KIF19: variants seen among roughly 807,000 people sequenced by gnomAD.
The protein encoded by KIF19 is kinesin family member 19, also known as kinesin-like protein KIF19.
KIF19 carries 98 observed loss-of-function variants against 106.6 expected under a neutral mutation model. The ratio of observed to expected loss-of-function variants is 0.92; its 90% confidence interval spans 0.78 to 1.09. KIF19 has a LOEUF of 1.09. Ranked by LOEUF, KIF19 falls within the 50% of genes least tolerant of loss-of-function variation. The pLI is 0.00. For synonymous variants in KIF19, 516 were observed against 584.2 expected, an observed-to-expected ratio of 0.88 and a Z score of 1.68; for missense variants, 1,373 against 1,414.3, an observed-to-expected ratio of 0.97 and a Z score of 0.47.
In KIF19 at chr17:74,355,700, G is replaced by C. The variant is rs1214833954; in HGVS notation, c.*388G>C. 5.5e-6 allele frequency: 1 copy of C among 180,182 alleles called. No homozygotes were observed. The allele number at this position is 180,182 out of a possible 1,614,324, so 11.2% of individuals were successfully genotyped here. On this transcript the variant is annotated 3_prime_UTR_variant, in exon 20 of 20. Coordinates refer to ENST00000389916, the MANE Select transcript of KIF19 (RefSeq NM_153209.4). ...CATCCTGGATGGTTGGGGAGGCGCC[G>C]ACAGGCACTTCACGTATTACAATTG...
At chr17:74,351,011 G>C (rs768467663) in intron 12 of KIF19, 106 bp downstream of exon 12, 1 of 1,114,810 alleles carries the variant, frequency 9.0e-7, no homozygotes, top group South Asian at 1.3e-5. Flanking sequence ...TGAGACTTGG[G>C]AACTCAGGCC....
rs1329742730 is a variant in KIF19 at position 74,346,807 on chromosome 17, C to T, written c.924+283C>T. Among the ~76,000 whole-genome samples the T allele has an allele frequency of 2.6e-5, 4 of 152,196 alleles. No homozygotes were observed. Among genetic ancestry groups the T allele is most frequent in the Non-Finnish European group, 5.9e-5 (4 of 68,040 alleles). On this transcript the variant is annotated intron_variant, in intron 8 of 19. Coordinates refer to ENST00000389916, the MANE Select transcript of KIF19 (RefSeq NM_153209.4). This position sits in a 1 kb window ranked among gnomAD's most constrained non-coding sequence, Gnocchi z 4.6. ...AAAAGGAGCACGTGATACCCCCACC[C>T]AGGGCTGTGGGTCAGAGCCGTCTAG... is the stretch of plus-strand genomic sequence containing the variant.
intron 7 of KIF19, among the ~76,000 whole-genome samples, chr17:74,345,789 G>A (rs1163851731): frequency 6.6e-6 from 1 of 152,078 alleles, no homozygotes; most frequent in East Asian, 1.9e-4. Flanking sequence ...AGTAAAGCCT[G>A]GGGGGCTTCC....
intron 1 of KIF19, among the ~76,000 whole-genome samples, 180 bp from the exon 2 acceptor site, chr17:74,328,245 C>G (rs1424762964): frequency 1.3e-5 from 2 of 152,192 alleles, no homozygotes; most frequent in Non-Finnish European, 2.9e-5. Context: ...GACTCATCAA[C>G]TCAGACACAG....
chr17:74,330,674 C>T (rs970849085), intron 2 of KIF19, among the ~76,000 whole-genome samples: 23 of 152,220 alleles, frequency 1.5e-4, no homozygotes, highest in Non-Finnish European at 8.8e-5. Context: ...TGCCCACACA[C>T]GGCAAACACT....
chr17:74,351,647 A>AG (rs2054704537), intron 12 of KIF19, among the ~76,000 whole-genome samples: 2 of 152,092 alleles, frequency 1.3e-5, no homozygotes, highest in South Asian at 4.1e-4. Flanking sequence ...AGCTGGTTCC[A>AG]GGGGTGGTTT....
chr17:74,327,833 C>A (rs1551858), intron 1 of KIF19, among the ~76,000 whole-genome samples: 63,531 of 152,064 alleles, frequency 0.42, 13,572 homozygotes, highest in Non-Finnish European at 0.48. Flanking sequence ...CAGCTGTTGC[C>A]CTTTGATCAG....
intron 2 of KIF19, among the ~76,000 whole-genome samples, chr17:74,338,895 C>T (rs577988178): frequency 1.8e-4 from 28 of 152,030 alleles, no homozygotes; most frequent in African/African-American, 6.3e-4. Context: ...CACCCCAGAG[C>T]GGCCACCCCT....
At chr17:74,326,458 G>C (rs1345638960) in intron 1 of KIF19, 70 bp downstream of exon 1, 11 of 1,484,194 alleles carry the variant, frequency 7.4e-6, no homozygotes, top group Non-Finnish European at 1.0e-5. Context: ...CAGCGACAGA[G>C]TCCTGTCCCC....
At chr17:74,336,637 C>G (rs914409558) in intron 2 of KIF19, among the ~76,000 whole-genome samples, 3 of 152,160 alleles carry the variant, frequency 2.0e-5, no homozygotes, top group African/African-American at 4.8e-5. Context: ...GGTACTCCCC[C>G]CAGCCAGGCA....
intron 8 of KIF19, among the ~76,000 whole-genome samples, chr17:74,347,194 A>C (rs1035041910): frequency 6.6e-6 from 1 of 152,174 alleles, no homozygotes; most frequent in Non-Finnish European, 1.5e-5. Flanking sequence ...TCATGACTGC[A>C]CCTAGAAGCC....
intron 2 of KIF19, among the ~76,000 whole-genome samples, chr17:74,335,555 C>A (rs546418670): frequency 3.9e-5 from 6 of 152,246 alleles, no homozygotes; most frequent in Non-Finnish European, 8.8e-5. Flanking sequence ...CCGACTCCGT[C>A]TGGAACTCTG....
At chr17:74,351,328 C>CAA (rs66627748) in intron 12 of KIF19, 4,624 of 79,242 alleles carry the variant, frequency 0.058, 160 homozygotes, top group African/African-American at 0.083. Context: ...ACTAAAAATA[C>CAA]AAAAAAAAAA....
At chr17:74,339,914 A>G (rs2054317492) in intron 2 of KIF19, among the ~76,000 whole-genome samples, 2 of 152,084 alleles carry the variant, frequency 1.3e-5, no homozygotes, top group African/African-American at 4.8e-5. Flanking sequence ...GTGAGGGTGG[A>G]GTTGTGGGTC....
chr17:74,343,142 C>T lies in KIF19; in HGVS notation c.438C>T (p.Val146=). ...CCAGCAATGACATGGAGTATGAGGT[C>T]TCCATGTCCTACCTGGAGGTGAGTC... The part of the protein sequence containing the change: ...EETSNDMEYE[V]SMSYLEIYNE... The change falls in exon 5 of 20, where the codon GTC becomes GTT. Residue 146 remains valine (V), a synonymous_variant. Coordinates refer to ENST00000389916, the MANE Select transcript of KIF19 (RefSeq NM_153209.4). The T allele has an allele frequency of 1.9e-6, 3 of 1,612,796 alleles. No individual in the cohort carries two copies. The East Asian group carries it at 6.7e-5, about 36-fold the overall frequency.
In KIF19 at chr17:74,328,440, C is replaced by G. The variant is rs768238018; in HGVS notation, c.55C>G (p.Arg19Gly). Residue 19 changes from arginine (R) to glycine (G), a missense_variant, in exon 2 of 20, where the codon CGG (arginine) becomes GGG (glycine). Arg to Gly is a moderately radical substitution (Grantham distance 125). This residue lies in a region of KIF19 where 348 missense variants were observed against 389.5 expected (regional missense o/e 0.89). Transcript: ENST00000389916. The part of the protein sequence containing the change: ...DQQLMVALRV[R>G]PISVAELEEG... The stretch of plus-strand genomic sequence containing the variant: ...TCCCTCCCAGGTGGCGCTTCGGGTC[C>G]GGCCCATCAGCGTGGCAGAGCTGGA... The G allele has an allele frequency of 6.2e-7, 1 of 1,609,896 alleles. No individual in the cohort carries two copies. Among genetic ancestry groups the G allele is most frequent in the Admixed American group, 1.7e-5 (1 of 59,570 alleles).
chr17:74,344,483 C>T (rs2054473718), intron 6 of KIF19, 135 bp downstream of exon 6: 5 of 1,374,000 alleles, frequency 3.6e-6, no homozygotes, highest in Non-Finnish European at 4.9e-6. Flanking sequence ...TCCTGAGTGG[C>T]AGCAAGGAGG....
intron 2 of KIF19, among the ~76,000 whole-genome samples, chr17:74,332,391 A>C (rs1305775929): frequency 6.6e-6 from 1 of 151,978 alleles, no homozygotes; most frequent in Non-Finnish European, 1.5e-5. Context: ...GGACAGCCTG[A>C]GAGGCTGGTG....
chr17:74,354,260 C>A lies in KIF19; in HGVS notation c.2407C>A (p.Pro803Thr). The stretch of plus-strand genomic sequence containing the variant: ...AACCGAGGGGCGACACCTGCTGGCA[C>A]CCGCGACAGAGCGCAGCAGCCTGTC... The part of the protein sequence containing the change: ...LGTEGRHLLA[P>T]ATERSSLSLH... Residue 803 changes from proline to threonine, a missense_variant, in exon 18 of 20, where the codon CCC becomes ACC. Pro to Thr is a conservative substitution (Grantham distance 38). Coordinates refer to ENST00000389916, the MANE Select transcript of KIF19 (RefSeq NM_153209.4). 1 of 1,608,574 alleles carries A rather than the reference C, an allele frequency of 6.2e-7. No homozygotes were observed. Among genetic ancestry groups the A allele is most frequent in the African/African-American group, 1.3e-5 (1 of 75,052 alleles).
Sources: gnomAD v4.1 joint callset for allele counts (sites outside exome capture counted in the v4.1 genomes callset) on GRCh38, gnomAD v4.1.1 for gene constraint, gnomAD v4.1.1 regional missense constraint, Gnocchi (gnomAD v3.1) non-coding constraint, MANE v1.5 for transcripts, NCBI Gene and HGNC (gene_info 2026-07-23, HGNC 2026-07-21) for gene names.